Variants in MEI4 observed in about 807,000 individuals in gnomAD.
The protein encoded by MEI4 is meiotic double-stranded break formation protein 4, also known as meiosis-specific protein MEI4.
MEI4 carries 27 observed loss-of-function variants against 31.4 expected under a neutral mutation model. That is an observed-to-expected ratio of 0.86 (90% CI 0.63 to 1.19). MEI4 has a LOEUF of 1.19. Among genes scored for constraint, MEI4 ranks in the 50% most tolerant of loss-of-function variants. The pLI is 0.00. For missense variants in MEI4, 329 were observed against 398.9 expected (o/e 0.82, Z 1.49); for synonymous variants, 122 against 145.4 (o/e 0.84, Z 1.16).
At chr6:77,870,104 C>G (rs1026106123) in intron 4 of MEI4, among the ~76,000 whole-genome samples, 3 of 152,062 alleles carry the variant, frequency 2.0e-5, no homozygotes, top group African/African-American at 7.2e-5. Flanking sequence ...CCCCAACTTG[C>G]AACAATTCAG....
At chr6:77,884,971 C>G (rs573624763) in intron 4 of MEI4, among the ~76,000 whole-genome samples, 2 of 152,212 alleles carry the variant, frequency 1.3e-5, no homozygotes, top group East Asian at 3.9e-4. Context: ...AAGATTCACT[C>G]TTCCAATCCC....
At chr6:77,698,314 T>C (rs1328322667) in intron 2 of MEI4, among the ~76,000 whole-genome samples, 2 of 152,224 alleles carry the variant, frequency 1.3e-5, no homozygotes, top group Non-Finnish European at 2.9e-5. Flanking sequence ...GTCAGTATGA[T>C]GTTCTCTGGT....
chr6:77,890,469 C>A (rs1455559920), intron 4 of MEI4, among the ~76,000 whole-genome samples: 1 of 152,162 alleles, frequency 6.6e-6, no homozygotes, highest in South Asian at 2.1e-4. Context: ...GCCTGTACCC[C>A]CATTGCTTAC....
At chr6:77,664,064 C>T (rs913405945) in intron 1 of MEI4, among the ~76,000 whole-genome samples, 16 of 152,222 alleles carry the variant, frequency 1.1e-4, no homozygotes, top group Non-Finnish European at 2.1e-4. Flanking sequence ...CTGGCCGTTG[C>T]GATTCAGGCG....
chr6:77,766,558 T>G (rs1178043134), intron 3 of MEI4, among the ~76,000 whole-genome samples: 1 of 152,072 alleles, frequency 6.6e-6, no homozygotes, highest in Non-Finnish European at 1.5e-5. Flanking sequence ...GGACTACAGG[T>G]GCCTGCCACC....
chr6:77,689,106 TAAC>T (rs1171350093), intron 1 of MEI4, among the ~76,000 whole-genome samples: 3 of 151,998 alleles, frequency 2.0e-5, no homozygotes, highest in East Asian at 1.9e-4. Context: ...ATTAGAAAAA[TAAC>T]AAAGAAATGA....
At chr6:77,668,664 T>A (rs1768681972) in intron 1 of MEI4, among the ~76,000 whole-genome samples, 1 of 152,194 alleles carries the variant, frequency 6.6e-6, no homozygotes, top group Admixed American at 6.5e-5. Context: ...TGTCTGAGCC[T>A]CTGTTGATAA....
At chr6:77,905,314 T>C (rs1766269574) in intron 4 of MEI4, among the ~76,000 whole-genome samples, 1 of 152,072 alleles carries the variant, frequency 6.6e-6, no homozygotes, top group South Asian at 2.1e-4. Flanking sequence ...GATATGCTTC[T>C]TTTTCTTGCT....
intron 3 of MEI4, among the ~76,000 whole-genome samples, chr6:77,799,484 G>A (rs1180375972): frequency 1.4e-4 from 22 of 152,020 alleles, no homozygotes; most frequent in Non-Finnish European, 2.8e-4. Flanking sequence ...CTGTGCAGAA[G>A]CTCTTTAGTT....
intron 4 of MEI4, among the ~76,000 whole-genome samples, chr6:77,915,012 G>A (rs1371988330): frequency 5.3e-5 from 8 of 152,084 alleles, no homozygotes; most frequent in East Asian, 3.9e-4. Context: ...CCATTCAGCT[G>A]ATCTATATCT....
At chr6:77,695,291 G>C (rs1418456403) in intron 2 of MEI4, among the ~76,000 whole-genome samples, 2 of 151,888 alleles carry the variant, frequency 1.3e-5, no homozygotes, top group Non-Finnish European at 2.9e-5. Flanking sequence ...GTCAATTTTG[G>C]CTTTTGTTGC....
At chr6:77,814,624 G>A (rs566369785) in intron 3 of MEI4, among the ~76,000 whole-genome samples, 21 of 152,148 alleles carry the variant, frequency 1.4e-4, no homozygotes, top group African/African-American at 4.3e-4. Flanking sequence ...TTCCTAAAAC[G>A]TTAAACATTT....
chr6:77,778,083 A>G (rs1010758445), intron 3 of MEI4, among the ~76,000 whole-genome samples: 1 of 150,114 alleles, frequency 6.7e-6, no homozygotes, highest in Non-Finnish European at 1.5e-5. Context: ...ATGATATAGC[A>G]AAATTATTGA....
chr6:77,735,798 A>G (rs1055403125), intron 2 of MEI4, among the ~76,000 whole-genome samples: 4 of 152,048 alleles, frequency 2.6e-5, no homozygotes, highest in African/African-American at 9.7e-5. Flanking sequence ...ATGGTGACGT[A>G]CAGATGGGTT....
At position 77,923,188 on chromosome 6, in the gene MEI4, T is replaced by C. The variant is rs1766751109; in HGVS notation, c.1000T>C (p.Ser334Pro). ...LQKETEEGNTSSIGHDDQEIK... is the reference protein window; with the variant it reads ...LQKETEEGNTPSIGHDDQEIK... ...AAAGGAAACCGAAGAAGGCAACACT[T>C]CAAGTATAGGTCATGATGACCAAGA... Residue 334 changes from serine (S) to proline (P), a missense_variant, in exon 5 of 5, where the codon TCA becomes CCA. Ser to Pro is a moderately conservative substitution (Grantham distance 74). Coordinates refer to ENST00000684080, the MANE Select transcript of MEI4 (RefSeq NM_001322247.2). The C allele has an allele frequency of 2.4e-6, 3 of 1,230,614 alleles. No homozygotes were observed. Among genetic ancestry groups the C allele is most frequent in the Admixed American group, 4.2e-5 (1 of 23,580 alleles). 76.2% of individuals were successfully genotyped at this position (1,230,614 alleles called of 1,614,324 possible). A position where few individuals can be genotyped will look rare whatever the true frequency, so the allele number is the denominator to read the frequency against.
chr6:77,831,525 A>ATC (rs35532572), intron 4 of MEI4, among the ~76,000 whole-genome samples: 332 of 150,806 alleles, frequency 2.2e-3, no homozygotes, highest in African/African-American at 7.3e-3. Flanking sequence ...ATATATATAT[A>ATC]CCAAATAATA....
intron 4 of MEI4, among the ~76,000 whole-genome samples, chr6:77,835,388 AC>A (rs1582197529): frequency 1.5e-5 from 2 of 136,466 alleles, no homozygotes; most frequent in Admixed American, 1.5e-4. Context: ...ACACACACAC[AC>A]ACACACACAC....
intron 2 of MEI4, among the ~76,000 whole-genome samples, chr6:77,724,799 C>T (rs1766783976): frequency 6.8e-6 from 1 of 146,704 alleles, no homozygotes; most frequent in Admixed American, 6.7e-5. Flanking sequence ...CAGGATATAT[C>T]ACCTCCTGTA....
chr6:77,747,448 C>T (rs112086802), intron 2 of MEI4, among the ~76,000 whole-genome samples: 7 of 152,284 alleles, frequency 4.6e-5, no homozygotes, highest in Admixed American at 1.3e-4. Context: ...GAAGGGGACA[C>T]AGTCATGTGT....
Sources: allele counts gnomAD v4.1 joint callset (sites outside exome capture counted in the v4.1 genomes callset), GRCh38; gene constraint gnomAD v4.1.1; transcripts MANE v1.5; gene names NCBI Gene and HGNC (gene_info 2026-07-23, HGNC 2026-07-21).